Variants in RGS7 observed in about 807,000 individuals in gnomAD.
RGS7 encodes the protein regulator of G protein signaling 7, also known as regulator of G-protein signaling 7.
In RGS7, 27 loss-of-function variants were observed where a neutral mutation model predicts 81.1. That is an observed-to-expected ratio of 0.33 (90% CI 0.25 to 0.46). The LOEUF is 0.46. Among genes scored for constraint, RGS7 ranks in the 20% least tolerant of loss-of-function variants. RGS7 has a pLI of 1.00. For missense variants in RGS7, 396 were observed against 607.4 expected, an observed-to-expected ratio of 0.65 and a Z score of 3.66; for synonymous variants, 208 against 207.7, an observed-to-expected ratio of 1.00 and a Z score of -0.01.
chr1:240,899,628 C>G (rs991243252), intron 6 of RGS7, among the ~76,000 whole-genome samples: 5 of 152,224 alleles, frequency 3.3e-5, no homozygotes, highest in South Asian at 2.1e-4. Context: ...TCTCTTCTGG[C>G]TTGTAGAGTT....
At chr1:240,810,579 T>C (rs780453406) in intron 14 of RGS7, among the ~76,000 whole-genome samples, 2 of 151,796 alleles carry the variant, frequency 1.3e-5, no homozygotes, top group Middle Eastern at 3.2e-3. Context: ...CCCCAGTAGC[T>C]GGCACTACAG....
At chr1:241,159,579 A>G (rs974505206) in intron 2 of RGS7, among the ~76,000 whole-genome samples, 1 of 152,156 alleles carries the variant, frequency 6.6e-6, no homozygotes, top group Admixed American at 6.6e-5. Flanking sequence ...TAGATGCTCA[A>G]AAATGTATAA....
At chr1:241,139,415 T>C (rs1017652770) in intron 2 of RGS7, among the ~76,000 whole-genome samples, 5 of 152,350 alleles carry the variant, frequency 3.3e-5, no homozygotes, top group East Asian at 3.9e-4. Flanking sequence ...GTTAGGGTTG[T>C]TTCCACTTTA....
At chr1:240,818,782 TA>T (rs1449215262) in intron 10 of RGS7, among the ~76,000 whole-genome samples, 1 of 152,104 alleles carries the variant, frequency 6.6e-6, no homozygotes, top group South Asian at 2.1e-4. Flanking sequence ...GAGGCTGGGA[TA>T]GGGGGTGAGG....
intron 2 of RGS7, among the ~76,000 whole-genome samples, chr1:241,335,643 A>G (rs548897519): frequency 5.2e-4 from 79 of 152,274 alleles, no homozygotes; most frequent in African/African-American, 1.7e-3. Context: ...GAACACACAA[A>G]AATCACAAAA....
chr1:241,054,258 G>A (rs923657321), intron 3 of RGS7, among the ~76,000 whole-genome samples: 5 of 152,196 alleles, frequency 3.3e-5, no homozygotes, highest in African/African-American at 1.2e-4. Context: ...GAGAAGACCA[G>A]TGTGCAACAG....
chr1:241,328,115 G>A (rs2081729451), intron 2 of RGS7, among the ~76,000 whole-genome samples: 1 of 152,160 alleles, frequency 6.6e-6, no homozygotes, highest in Non-Finnish European at 1.5e-5. Flanking sequence ...AATTTGGAAT[G>A]TAGATTTTGC....
intron 2 of RGS7, among the ~76,000 whole-genome samples, chr1:241,145,584 T>C (rs2068253620): frequency 6.6e-6 from 1 of 152,016 alleles, no homozygotes; most frequent in Non-Finnish European, 1.5e-5. Context: ...GAGGTCAGGA[T>C]TTCAAAGCCA....
intron 2 of RGS7, among the ~76,000 whole-genome samples, chr1:241,210,439 C>T (rs542227952): frequency 2.0e-4 from 30 of 152,224 alleles, no homozygotes; most frequent in South Asian, 6.2e-4. Flanking sequence ...TGAGCCACCA[C>T]GCCCGGCTCC....
chr1:241,029,476 C>T (rs1291790006), intron 3 of RGS7, among the ~76,000 whole-genome samples: 1 of 152,224 alleles, frequency 6.6e-6, no homozygotes, highest in Non-Finnish European at 1.5e-5. Context: ...AGTTTCCACA[C>T]ATCTGCTAAA....
At chr1:240,938,204 A>T (rs935459522) in intron 4 of RGS7, among the ~76,000 whole-genome samples, 3 of 152,150 alleles carry the variant, frequency 2.0e-5, no homozygotes, top group Non-Finnish European at 4.4e-5. Flanking sequence ...ACATCTGTGG[A>T]TTTTTGATCA....
At chr1:240,932,602 G>A (rs547979964) in intron 5 of RGS7, among the ~76,000 whole-genome samples, 212 of 145,638 alleles carry the variant, frequency 1.5e-3, no homozygotes, top group Non-Finnish European at 2.4e-3. Flanking sequence ...TCCGCCTCCC[G>A]GGTTCACGCC....
chr1:241,023,831 A>G (rs1323731646), intron 3 of RGS7, among the ~76,000 whole-genome samples: 5 of 152,186 alleles, frequency 3.3e-5, no homozygotes, highest in African/African-American at 1.2e-4. Flanking sequence ...CTGCAACCTC[A>G]GCCTCCTGGG....
intron 6 of RGS7, among the ~76,000 whole-genome samples, chr1:240,925,910 C>T (rs1674361785): frequency 6.6e-6 from 1 of 152,142 alleles, no homozygotes; most frequent in Non-Finnish European, 1.5e-5. Context: ...TGTTTGCTGG[C>T]TGCTTGTATG....
intron 2 of RGS7, among the ~76,000 whole-genome samples, chr1:241,266,388 T>C (rs962960900): frequency 6.6e-6 from 1 of 152,224 alleles, no homozygotes; most frequent in Non-Finnish European, 1.5e-5. Context: ...ATTAAATCTG[T>C]TAGCTAACCC....
chr1:240,818,093 C>G (rs1328136296), intron 10 of RGS7, among the ~76,000 whole-genome samples: 1 of 151,840 alleles, frequency 6.6e-6, no homozygotes, highest in Non-Finnish European at 1.5e-5. Context: ...TTTTATAATG[C>G]CAAACAAGAG....
At chr1:240,973,072 C>A (rs964894026) in intron 4 of RGS7, among the ~76,000 whole-genome samples, 1 of 150,984 alleles carries the variant, frequency 6.6e-6, no homozygotes, top group Non-Finnish European at 1.5e-5. Flanking sequence ...GGAGCAGGCA[C>A]ACAGGGTACA....
At chr1:241,202,804 C>T (rs549831721) in intron 2 of RGS7, among the ~76,000 whole-genome samples, 1 of 151,280 alleles carries the variant, frequency 6.6e-6, no homozygotes, top group South Asian at 2.1e-4. Flanking sequence ...GGTTTTATGG[C>T]TGGCTTTAGG....
intron 2 of RGS7, among the ~76,000 whole-genome samples, chr1:241,100,318 T>A (rs1476275142): frequency 7.3e-6 from 1 of 136,372 alleles, no homozygotes; most frequent in Non-Finnish European, 1.5e-5. Flanking sequence ...GAGCTTGCAG[T>A]GAGCCGAGAT....
Sources: gnomAD v4.1 joint callset for allele counts (sites outside exome capture counted in the v4.1 genomes callset) on GRCh38, gnomAD v4.1.1 for gene constraint, MANE v1.5 for transcripts, NCBI Gene and HGNC (gene_info 2026-07-23, HGNC 2026-07-21) for gene names.